CNNM3: variants seen among roughly 807,000 people sequenced by gnomAD.
The protein encoded by CNNM3 is metal transporter CNNM3.
A neutral mutation model predicts 57.1 loss-of-function variants in CNNM3; 47 were observed. That is an observed-to-expected ratio of 0.82 (90% confidence interval 0.65 to 1.05). CNNM3 has a LOEUF of 1.05. CNNM3 is among the 50% of genes least tolerant of loss of function. The pLI, the probability that CNNM3 is intolerant of heterozygous loss-of-function variation, is 0.00. For synonymous variants in CNNM3, 507 were observed against 478.2 expected, an observed-to-expected ratio of 1.06 and a Z score of -0.79; for missense variants, 957 against 973.7, an observed-to-expected ratio of 0.98 and a Z score of 0.23.
chr2:96,832,042 G>A lies in CNNM3; in HGVS notation c.2060-510G>A, dbSNP rs141252846. ...GATAAATGACTGTGGACTAGTGCGC[G>A]TTTTTTGTTTTCAGAGCACACGTAA... On this transcript the variant is annotated intron_variant, in intron 7 of 7. Transcript: ENST00000305510. 8.0e-4 allele frequency: 786 copies of A among 987,884 alleles called. 31 individuals are homozygous for A. In the Admixed American group the frequency reaches 0.041, roughly 51 times the overall value. The allele number at this position is 987,884 out of a possible 1,614,324, so 61.2% of individuals were successfully genotyped here.
chr2:96,821,974 T>C (rs2079413104), intron 1 of CNNM3, among the ~76,000 whole-genome samples: 1 of 151,710 alleles, frequency 6.6e-6, no homozygotes, highest in Non-Finnish European at 1.5e-5. Flanking sequence ...GGGACCTTAA[T>C]GTACAAAAGA....
At chr2:96,837,323 C>T (rs1193954306), downstream of CNNM3, 1 of 152,208 alleles carries the variant, frequency 6.6e-6, no homozygotes, top group Non-Finnish European at 1.5e-5. Context: ...TTCTGTCTAG[C>T]AATCCATGAA....
chr2:96,823,820 CCCTGT>C (rs1251483827), intron 1 of CNNM3, among the ~76,000 whole-genome samples: 1 of 152,172 alleles, frequency 6.6e-6, no homozygotes, highest in Non-Finnish European at 1.5e-5. Flanking sequence ...GCTCCCATCC[CCCTGT>C]CCTGGACCTG....
chr2:96,832,118 C>T, intron 7 of CNNM3: 1 of 997,138 alleles, frequency 1.0e-6, no homozygotes, highest in South Asian at 4.5e-5. Flanking sequence ...CCTGGCCCTT[C>T]AGCTGAGGGA....
rs1215116643 is a variant in CNNM3, at chr2:96,816,481, C to T, written c.204C>T (p.Gly68=). 3 of 1,458,274 alleles carry T rather than the reference C, an allele frequency of 2.1e-6. No homozygotes were observed. The highest frequency in any genetic ancestry group is 2.7e-6 in the Non-Finnish European group (3 of 1,105,784). The allele number at this position is 1,458,274 out of a possible 1,614,324, so 90.3% of individuals were successfully genotyped here. Residue 68 remains glycine, a synonymous_variant, in exon 1 of 8, where the codon GGC becomes GGT. Transcript: ENST00000305510. ...CCACCTTCCTCCTGCGCCTCTTCGG[C>T]CCGGGCTTCGCCAACAGCTCTTGGT... ...PDATFLLRLF[G]PGFANSSWSW...
Position 96,816,897 on chromosome 2 carries a change from C to A in CNNM3, c.620C>A (p.Ala207Glu). Residue 207 changes from alanine to glutamate, a missense_variant, in exon 1 of 8, where the codon GCG (alanine) becomes GAG (glutamate). Transcript: ENST00000305510. ...CTGCTGCTGGCCAGCCTGGCGCAGG[C>A]GGCGCTGGCGGTGCTGCTGTACCGC... ...ALLLLASLAQ[A>E]ALAVLLYRAA... The A allele has an allele frequency of 8.9e-7, 1 of 1,123,174 alleles. No individual in the cohort carries two copies. Among genetic ancestry groups the A allele is most frequent in the Non-Finnish European group, 1.1e-6 (1 of 921,868 alleles). The allele number at this position is 1,123,174 out of a possible 1,614,324, so 69.6% of individuals were successfully genotyped here. A position where few individuals can be genotyped will look rare whatever the true frequency, so the allele number is the denominator to read the frequency against.
rs1397737961 is a variant in CNNM3, at chr2:96,816,619, G to C, written c.342G>C (p.Ser114=). The change falls in exon 1 of 8, where the codon TCG becomes TCC. Residue 114 remains serine, a synonymous_variant. Coordinates refer to ENST00000305510, the MANE Select transcript of CNNM3 (RefSeq NM_017623.5). ...RLRAEAVRPH[S]ALLAVRVEPG... The stretch of plus-strand genomic sequence containing the variant: ...GGGCCGAGGCCGTGCGCCCGCACTC[G>C]GCGCTGCTGGCGGTGCGCGTGGAGC... 5.2e-6 allele frequency: 6 copies of C among 1,164,428 alleles called. No individual in the cohort carries two copies. Among genetic ancestry groups the C allele is most frequent in the Admixed American group, 4.7e-5 (1 of 21,206 alleles). 72.1% of individuals were successfully genotyped at this position (1,164,428 alleles called of 1,614,324 possible).
intron 1 of CNNM3, among the ~76,000 whole-genome samples, chr2:96,819,909 C>T (rs1224731063): frequency 6.6e-6 from 1 of 152,158 alleles, no homozygotes; most frequent in Non-Finnish European, 1.5e-5. Context: ...CTTTCAGATG[C>T]GATGGATGAG....
chr2:96,823,230 A>G (rs536870181), intron 1 of CNNM3, among the ~76,000 whole-genome samples: 36 of 152,290 alleles, frequency 2.4e-4, no homozygotes, highest in Non-Finnish European at 4.1e-4. Context: ...TGTTCTAGAG[A>G]AGTTTGAAAG....
chr2:96,817,220 G>A lies in CNNM3; in HGVS notation c.943G>A (p.Glu315Lys). The change falls in exon 1 of 8, where the codon GAG becomes AAG. Residue 315 changes from glutamate (E) to lysine (K), a missense_variant. By Grantham distance (56) the Glu-to-Lys change is moderately conservative (BLOSUM62 1). Transcript: ENST00000305510. ...SKGVLRCRTV[E>K]DVLTPLEDCF... ...GGGCGTGCTGCGCTGCCGGACCGTG[G>A]AGGACGTGCTCACGCCCCTCGAAGA... 2 of 1,601,232 alleles carry A rather than the reference G, an allele frequency of 1.2e-6. No homozygotes were observed. Among genetic ancestry groups the A allele is most frequent in the Non-Finnish European group, 8.5e-7 (1 of 1,175,802 alleles).
At position 96,817,363 on chromosome 2, in the gene CNNM3, G is replaced by T; in HGVS notation, c.1086G>T (p.Met362Ile). ...YEEERSNIVD[M>I]LYLKDLAFVD... Reference sequence around the variant, plus strand: ...AGGAGCGCTCCAACATCGTGGACATGCTCTACCTCAAGGACTTGGCCTTCG... The same window carrying T: ...AGGAGCGCTCCAACATCGTGGACATTCTCTACCTCAAGGACTTGGCCTTCG... The change falls in exon 1 of 8, where the codon ATG (methionine) becomes ATT (isoleucine). Residue 362 changes from methionine (M) to isoleucine (I), a missense_variant. By Grantham distance (10) the Met-to-Ile change is conservative. Transcript: ENST00000305510. 6.2e-7 allele frequency: 1 copy of T among 1,614,180 alleles called. No individual in the cohort carries two copies. Among genetic ancestry groups the T allele is most frequent in the Non-Finnish European group, 8.5e-7 (1 of 1,180,048 alleles).
In CNNM3 at chr2:96,816,687, T is replaced by A; in HGVS notation, c.410T>A (p.Leu137Gln). Residue 137 changes from leucine to glutamine, a missense_variant, in exon 1 of 8, where the codon CTG becomes CAG. Transcript: ENST00000305510. ...AAEEAAPPWA[L>Q]GLGAAGLLAL... ...GAGGAGGCGGCGCCGCCCTGGGCTC[T>A]GGGCCTGGGGGCGGCCGGGCTGCTG... 9.8e-7 allele frequency: 1 copy of A among 1,020,270 alleles called. No homozygotes were observed. Among genetic ancestry groups the A allele is most frequent in the Non-Finnish European group, 1.2e-6 (1 of 854,864 alleles). The allele number at this position is 1,020,270 out of a possible 1,614,324, so 63.2% of individuals were successfully genotyped here.
chr2:96,817,262 G>T lies in CNNM3; in HGVS notation c.985G>T (p.Ala329Ser). 6.2e-7 allele frequency: 1 copy of T among 1,611,900 alleles called. No individual in the cohort carries two copies. Among genetic ancestry groups the T allele is most frequent in the Non-Finnish European group, 8.5e-7 (1 of 1,179,942 alleles). ...TPLEDCFMLD[A>S]STVLDFGVLA... ...CCTCGAAGACTGCTTCATGCTGGAC[G>T]CCAGCACCGTGCTGGACTTCGGCGT... Residue 329 changes from alanine to serine, a missense_variant, in exon 1 of 8, where the codon GCC (alanine) becomes TCC (serine). Transcript: ENST00000305510.
Position 96,816,683 on chromosome 2 carries a change from G to T in CNNM3, c.406G>T (p.Ala136Ser). 1 of 1,022,886 alleles carries T rather than the reference G, an allele frequency of 9.8e-7. No individual in the cohort carries two copies. Among genetic ancestry groups the T allele is most frequent in the Non-Finnish European group, 1.2e-6 (1 of 856,552 alleles). The allele number at this position is 1,022,886 out of a possible 1,614,324, so 63.4% of individuals were successfully genotyped here. The change falls in exon 1 of 8, where the codon GCT becomes TCT. Residue 136 changes from alanine (A) to serine (S), a missense_variant. Physicochemically the swap from Ala to Ser is moderately conservative, Grantham distance 99 (BLOSUM62 1). Coordinates refer to ENST00000305510, the MANE Select transcript of CNNM3 (RefSeq NM_017623.5). ...GAAEEAAPPWALGLGAAGLLA... is the reference protein window; with the variant it reads ...GAAEEAAPPWSLGLGAAGLLA... The stretch of plus-strand genomic sequence containing the variant: ...GGCTGAGGAGGCGGCGCCGCCCTGG[G>T]CTCTGGGCCTGGGGGCGGCCGGGCT...
At chr2:96,828,308 A>C (rs1574112338) in intron 5 of CNNM3, 113 bp downstream of exon 5, 1 of 944,084 alleles carries the variant, frequency 1.1e-6, no homozygotes, top group Non-Finnish European at 1.6e-6. Context: ...ACCTGAGCCC[A>C]CCACCCCACA....
At chr2:96,827,265 CTT>C (rs373030542) in intron 3 of CNNM3, among the ~76,000 whole-genome samples, 66 of 134,638 alleles carry the variant, frequency 4.9e-4, no homozygotes, top group Admixed American at 8.2e-4. Context: ...CTGCCCAGTT[CTT>C]TTTTTTTTTT....
At position 96,835,218 on chromosome 2, in the gene CNNM3, C is replaced by T. The variant is rs1480601004; in HGVS notation, c.*2602C>T. ...GCATTCGGGATTGTCTTTTTTCACT[C>T]GGCGTCATTCTCGGGAGATCATCCA... On this transcript the variant is annotated 3_prime_UTR_variant, in exon 8 of 8. Transcript: ENST00000305510. Among the ~76,000 whole-genome samples, 1 of 152,122 alleles carries T rather than the reference C, an allele frequency of 6.6e-6. No homozygotes were observed. The highest frequency in any genetic ancestry group is 1.5e-5 in the Non-Finnish European group (1 of 68,028).
In CNNM3 at chr2:96,828,712, G is replaced by A. The variant is rs1240244642; in HGVS notation, c.1920+12G>A. ...TGCAGCTCATCAAGGTGACTGCCTGGGCTGCTTGTGGGTGCTGGCTTTAGC... is the reference window on the plus strand; with the variant it reads ...TGCAGCTCATCAAGGTGACTGCCTGAGCTGCTTGTGGGTGCTGGCTTTAGC... On this transcript the variant is annotated intron_variant, in intron 6 of 7. Coordinates refer to ENST00000305510, the MANE Select transcript of CNNM3 (RefSeq NM_017623.5). 6.2e-7 allele frequency: 1 copy of A among 1,614,058 alleles called. No homozygotes were observed. Among genetic ancestry groups the A allele is most frequent in the South Asian group, 1.1e-5 (1 of 91,082 alleles).
rs1216536971 is a variant in CNNM3, at chr2:96,817,492, A to G, written c.1215A>G (p.Glu405=). The change falls in exon 1 of 8, where the codon GAA becomes GAG. Residue 405 remains glutamate, a synonymous_variant. Transcript: ENST00000305510. ...CCAAGCTGGACGCTGTCCTGGAGGA[A>G]TTCAAGCGAGGTAACGGCCCGGGCA... ...NDTKLDAVLE[E]FKRGKSHLAI... The G allele has an allele frequency of 1.2e-6, 2 of 1,610,476 alleles. No homozygotes were observed. The highest frequency in any genetic ancestry group is 2.2e-5 in the South Asian group (2 of 90,924).
Sources: allele counts gnomAD v4.1 joint callset (sites outside exome capture counted in the v4.1 genomes callset), GRCh38; gene constraint gnomAD v4.1.1; transcripts MANE v1.5; gene names NCBI Gene and HGNC (gene_info 2026-07-23, HGNC 2026-07-21).